PRKDC: variants seen among roughly 807,000 people sequenced by gnomAD.
PRKDC encodes the protein DNA-dependent protein kinase catalytic subunit.
In PRKDC, 82 loss-of-function variants were observed where a neutral mutation model predicts 486.9. That is an observed-to-expected ratio of 0.17 (90% CI 0.14 to 0.20). The LOEUF is 0.20. Ranked by LOEUF, PRKDC falls within the 10% of genes least tolerant of loss-of-function variation. The pLI is 1.00. For synonymous variants in PRKDC, 1,895 were observed against 1,837.0 expected (o/e 1.03, Z -0.81); for missense variants, 4,504 against 5,038.2 (o/e 0.89, Z 3.21).
At chr8:47,826,625 T>A in intron 63 of PRKDC, 31 bp downstream of exon 63, 5 of 1,583,632 alleles carry the variant, frequency 3.2e-6, no homozygotes, top group Non-Finnish European at 4.3e-6. Context: ...AAATCCAGTG[T>A]GCTCCCAAGA....
intron 40 of PRKDC, among the ~76,000 whole-genome samples, chr8:47,867,462 C>T (rs146601927): frequency 6.6e-6 from 1 of 152,224 alleles, no homozygotes; most frequent in East Asian, 1.9e-4. Flanking sequence ...TTTTGGAACA[C>T]AAAATTTGAC....
intron 12 of PRKDC, 67 bp from the exon 13 acceptor site, chr8:47,935,967 T>C (rs2090344288): frequency 1.4e-6 from 2 of 1,402,498 alleles, no homozygotes; most frequent in Non-Finnish European, 1.9e-6. Context: ...ATAATACAAA[T>C]ATTCAAAGTA....
chr8:47,947,693 A>G (rs189725108), intron 7 of PRKDC, among the ~76,000 whole-genome samples: 2 of 152,336 alleles, frequency 1.3e-5, no homozygotes, highest in African/African-American at 4.8e-5. Flanking sequence ...GGATTGCTTG[A>G]GCCCAGGAGT....
At chr8:47,932,367 G>A (rs572522920) in intron 16 of PRKDC, among the ~76,000 whole-genome samples, 1 of 152,076 alleles carries the variant, frequency 6.6e-6, no homozygotes, top group Non-Finnish European at 1.5e-5. Flanking sequence ...ACAGGCATGA[G>A]CCACCGCGCC....
At chr8:47,955,057 G>A (rs1023559330) in intron 4 of PRKDC, among the ~76,000 whole-genome samples, 4 of 152,162 alleles carry the variant, frequency 2.6e-5, no homozygotes, top group African/African-American at 4.8e-5. Flanking sequence ...AGGAGGCTGA[G>A]GCAGGAGAAT....
At chr8:47,897,738 A>C (rs558454399) in intron 29 of PRKDC, among the ~76,000 whole-genome samples, 13 of 152,368 alleles carry the variant, frequency 8.5e-5, no homozygotes, top group African/African-American at 3.1e-4. Flanking sequence ...CTAGATCTCC[A>C]GGCAATTCTA....
chr8:47,930,178 C>G (rs140116570), intron 17 of PRKDC, among the ~76,000 whole-genome samples, 166 bp from the exon 18 acceptor site: 11 of 152,236 alleles, frequency 7.2e-5, no homozygotes, highest in Non-Finnish European at 1.5e-4. Flanking sequence ...ACCTGAGGAT[C>G]TTTTAAATAT....
chr8:47,949,823 A>G (rs1319833624), intron 7 of PRKDC, among the ~76,000 whole-genome samples: 1 of 152,218 alleles, frequency 6.6e-6, no homozygotes, highest in Non-Finnish European at 1.5e-5. Context: ...CTTGATAAGC[A>G]AGGAAGAAGG....
At chr8:47,788,777 A>C (rs2086835729) in intron 76 of PRKDC, 129 bp downstream of exon 76, 1 of 1,012,792 alleles carries the variant, frequency 9.9e-7, no homozygotes, top group African/African-American at 1.7e-5. Context: ...AGCATTCAAC[A>C]GACATTTTAA....
rs536689728 is a variant in PRKDC at position 47,865,189 on chromosome 8, C to A, written c.5364-426G>T. ...GATCATGAGGTCAGGAGATCGAGAC[C>A]ACCCTGGCCAATATGGTGAAACCCT... On this transcript the variant is annotated intron_variant, in intron 40 of 85. Coordinates refer to ENST00000314191, the MANE Select transcript of PRKDC (RefSeq NM_006904.7). Among the ~76,000 whole-genome samples, 3 of 151,964 alleles carry A rather than the reference C, an allele frequency of 2.0e-5. No homozygotes were observed. In the South Asian group the frequency reaches 6.2e-4, roughly 32 times the overall value.
At position 47,782,421 on chromosome 8, in the gene PRKDC, C is replaced by A; in HGVS notation, c.11353G>T (p.Ala3785Ser). The change falls in exon 79 of 86, where the codon GCC becomes TCC. Residue 3785 changes from alanine (A) to serine (S), a missense_variant. Coordinates refer to ENST00000314191, the MANE Select transcript of PRKDC (RefSeq NM_006904.7). This position sits in a 1 kb window ranked among gnomAD's most constrained non-coding sequence, Gnocchi z 4.9. Reference protein sequence around the residue: ...LAQDSACSQRALQLRTYSVVP... With the variant: ...LAQDSACSQRSLQLRTYSVVP... ...ACGCTATAGGTCCTCAGCTGCAGGGCCCTCTGGCTGCAGGCGGAGTCTTGG... is the reference window on the plus strand; with the variant it reads ...ACGCTATAGGTCCTCAGCTGCAGGGACCTCTGGCTGCAGGCGGAGTCTTGG... 1.2e-6 allele frequency: 2 copies of A among 1,602,260 alleles called. No individual in the cohort carries two copies. The highest frequency in any genetic ancestry group is 1.7e-6 in the Non-Finnish European group (2 of 1,175,174).
chr8:47,914,096 C>T, intron 23 of PRKDC, 32 bp from the exon 24 acceptor site: 1 of 1,397,122 alleles, frequency 7.2e-7, no homozygotes, highest in East Asian at 2.6e-5. Flanking sequence ...GAATGAAACA[C>T]TTTTTTTCTT....
At chr8:47,839,889 A>C in intron 55 of PRKDC, 127 bp downstream of exon 55, 1 of 655,666 alleles carries the variant, frequency 1.5e-6, no homozygotes, top group Admixed American at 3.5e-5. Context: ...TGGAAGGATC[A>C]ACTGAGCCCA....
chr8:47,836,702 G>A (rs1332196974), intron 57 of PRKDC, among the ~76,000 whole-genome samples, 175 bp from the exon 58 acceptor site: 1 of 152,146 alleles, frequency 6.6e-6, no homozygotes, highest in African/African-American at 2.4e-5. Context: ...TAACTGATTT[G>A]CCAACTAGAA....
In PRKDC at chr8:47,898,454, A is replaced by G. The variant is rs1212713241; in HGVS notation, c.3464+16T>C. The G allele has an allele frequency of 6.5e-7, 1 of 1,536,400 alleles. No homozygotes were observed. Among genetic ancestry groups the G allele is most frequent in the South Asian group, 1.2e-5 (1 of 83,262 alleles). The stretch of plus-strand genomic sequence containing the variant: ...ATGTTGTGGGAAAAGACGGAAAAGG[A>G]AGCAAGATCACCTACCGCGGCAAAC... On this transcript the variant is annotated intron_variant, in intron 29 of 85. Transcript: ENST00000314191.
intron 85 of PRKDC, among the ~76,000 whole-genome samples, chr8:47,775,630 T>C (rs2086594834): frequency 1.3e-5 from 2 of 152,072 alleles, no homozygotes; most frequent in South Asian, 4.1e-4. Flanking sequence ...ATCAGATACA[T>C]GACTTGCAAA....
At position 47,954,440 on chromosome 8, in the gene PRKDC, G is replaced by C. The variant is rs2090671381; in HGVS notation, c.406C>G (p.Gln136Glu). 1 of 1,267,996 alleles carries C rather than the reference G, an allele frequency of 7.9e-7. No homozygotes were observed. The highest frequency in any genetic ancestry group is 1.5e-5 in the African/African-American group (1 of 65,376). The allele number at this position is 1,267,996 out of a possible 1,614,324, so 78.5% of individuals were successfully genotyped here. A position where few individuals can be genotyped will look rare whatever the true frequency, so the allele number is the denominator to read the frequency against. Reference sequence around the variant, plus strand: ...ATGAGTCTAGAACTTCTAAAAGTCTGAAGTAACTAAAAGAATACAAATTAG... The same window carrying C: ...ATGAGTCTAGAACTTCTAAAAGTCTCAAGTAACTAAAAGAATACAAATTAG... ...PALDLLIKLLQTFRSSRLMDE... is the reference protein window; with the variant it reads ...PALDLLIKLLETFRSSRLMDE... The change falls in exon 5 of 86, where the codon CAG (glutamine) becomes GAG (glutamate). Residue 136 changes from glutamine to glutamate, a missense_variant. Coordinates refer to ENST00000314191, the MANE Select transcript of PRKDC (RefSeq NM_006904.7).
In PRKDC at chr8:47,834,269, C is replaced by G. The variant is rs766201815; in HGVS notation, c.8079G>C (p.Leu2693Phe). 1.9e-6 allele frequency: 3 copies of G among 1,613,946 alleles called. No homozygotes were observed. In the African/African-American group the frequency reaches 4.0e-5, roughly 22 times the overall value. The change falls in exon 59 of 86, where the codon TTG becomes TTC. Residue 2693 changes from leucine (L) to phenylalanine (F), a missense_variant. Physicochemically the swap from Leu to Phe is conservative, Grantham distance 22. Around this residue, in one of 6 missense-constraint regions of PRKDC, gnomAD observed 1,592 missense variants for 1,724.6 expected, o/e 0.92. Coordinates refer to ENST00000314191, the MANE Select transcript of PRKDC (RefSeq NM_006904.7). ...KRSERLQRAP[L>F]KSVGPDFGKK... ...TCCCAAAATCAGGCCCCACTGACTT[C>G]AAGGGTGCTCTCTGTAACCTTTCAC...
At chr8:47,934,283 A>C (rs189144623) in intron 14 of PRKDC, among the ~76,000 whole-genome samples, 193 bp from the exon 15 acceptor site, 1 of 152,366 alleles carries the variant, frequency 6.6e-6, no homozygotes, top group African/African-American at 2.4e-5. Flanking sequence ...CACACCTGTA[A>C]TCCCAGCACT....
Sources: allele counts gnomAD v4.1 joint callset (sites outside exome capture counted in the v4.1 genomes callset), GRCh38; gene constraint gnomAD v4.1.1; regional missense constraint gnomAD v4.1.1; non-coding constraint Gnocchi (gnomAD v3.1); transcripts MANE v1.5; gene names NCBI Gene and HGNC (gene_info 2026-07-23, HGNC 2026-07-21).